The following TPRG1 variants were observed in gnomAD, a reference collection of about 807,000 sequenced individuals.
TPRG1 encodes the protein tumor protein p63-regulated gene 1 protein.
TPRG1 carries 29 observed loss-of-function variants against 29.3 expected under a neutral mutation model. That is an observed-to-expected ratio of 0.99 (90% CI 0.74 to 1.35). The LOEUF (loss-of-function observed/expected upper bound fraction) is 1.35, where lower values mean the gene tolerates loss of function less well. TPRG1 is among the 40% of genes most tolerant of loss of function. The pLI is 0.00. For missense variants in TPRG1, 327 were observed against 335.0 expected (o/e 0.98, Z 0.19); for synonymous variants, 130 against 116.8 (o/e 1.11, Z -0.73).
At chr3:189,202,991 C>T (rs553569400) in intron 1 of TPRG1, among the ~76,000 whole-genome samples, 19 of 152,254 alleles carry the variant, frequency 1.2e-4, no homozygotes, top group Middle Eastern at 3.4e-3. Context: ...AACTAGAGGT[C>T]GGGTTGCATG....
chr3:189,271,362 A>G (rs1357332840), intron 4 of TPRG1, among the ~76,000 whole-genome samples: 1 of 152,210 alleles, frequency 6.6e-6, no homozygotes, highest in Non-Finnish European at 1.5e-5. Flanking sequence ...GCCTGTGTTT[A>G]TGATGATGCC....
chr3:189,300,366 G>T (rs1172582084), intron 4 of TPRG1, among the ~76,000 whole-genome samples: 1 of 152,110 alleles, frequency 6.6e-6, no homozygotes, highest in Non-Finnish European at 1.5e-5. Context: ...TTTAGGCCTC[G>T]CTCTTAAGAC....
At chr3:189,114,459 G>A (rs576014736) in intron 1 of TPRG1, among the ~76,000 whole-genome samples, 1 of 152,052 alleles carries the variant, frequency 6.6e-6, no homozygotes, top group East Asian at 1.9e-4. Flanking sequence ...ATTTTTGTAT[G>A]TTTAGTAGAG....
At position 189,202,253 on chromosome 3, in the gene TPRG1, T is replaced by C. The variant is rs150877441; in HGVS notation, c.-9-5123T>C. Among the ~76,000 whole-genome samples, 36 of 152,178 alleles carry C rather than the reference T, an allele frequency of 2.4e-4. No individual in the cohort carries two copies. The East Asian group carries it at 5.6e-3, about 24-fold the overall frequency. On this transcript the variant is annotated intron_variant, in intron 1 of 5. Coordinates refer to ENST00000345063, the MANE Select transcript of TPRG1 (RefSeq NM_198485.4). ...TTTCTGTAGGACAGAAATCTTTCAG[T>C]ATGTGGTGGAGCAGAATCCTCGATG... is the stretch of plus-strand genomic sequence containing the variant.
intron 4 of TPRG1, among the ~76,000 whole-genome samples, chr3:189,271,181 G>A (rs1454278808): frequency 2.0e-5 from 3 of 152,198 alleles, no homozygotes; most frequent in African/African-American, 7.2e-5. Context: ...GAGGTAGGGC[G>A]TTTTCTACTG....
At chr3:188,999,257 T>C (rs977326971) in intron 1 of TPRG1, among the ~76,000 whole-genome samples, 17 of 152,130 alleles carry the variant, frequency 1.1e-4, no homozygotes, top group African/African-American at 4.1e-4. Context: ...CAGGACTCCC[T>C]GTTGGATTAA....
Position 189,152,644 on chromosome 3 carries a change from G to A in TPRG1, c.-10+1772G>A, listed in dbSNP as rs931426976. ...CTATTAAAAAGTAGGATTCCTACCC[G>A]CCATTATTATTAAAAAGTAGGATTG... On this transcript the variant is annotated intron_variant, in intron 5 of 6. Coordinates refer to the TPRG1 transcript ENST00000412373. 1.0e-4 allele frequency among the ~76,000 whole-genome samples: 15 copies of A among 149,590 alleles called. 1 individual carries two copies. The highest frequency in any genetic ancestry group is 5.9e-4 in the East Asian group (3 of 5,072).
At chr3:189,100,589 A>C (rs976708713) in intron 1 of TPRG1, among the ~76,000 whole-genome samples, 1 of 152,200 alleles carries the variant, frequency 6.6e-6, no homozygotes, top group Non-Finnish European at 1.5e-5. Flanking sequence ...TTACTTTTGC[A>C]AATAGTAACT....
At chr3:189,274,085 A>G (rs1715686197) in intron 4 of TPRG1, among the ~76,000 whole-genome samples, 1 of 150,834 alleles carries the variant, frequency 6.6e-6, no homozygotes, top group Non-Finnish European at 1.5e-5. Context: ...CAAATTCTTT[A>G]TCTTTTAACT....
chr3:189,221,094 A>G (rs1736874505), intron 3 of TPRG1, among the ~76,000 whole-genome samples: 1 of 152,246 alleles, frequency 6.6e-6, no homozygotes, highest in South Asian at 2.1e-4. Context: ...AGTAAGAAAT[A>G]TGTATCAGTG....
At chr3:189,196,869 A>G (rs1221690685) in intron 1 of TPRG1, among the ~76,000 whole-genome samples, 5 of 152,212 alleles carry the variant, frequency 3.3e-5, no homozygotes, top group Non-Finnish European at 7.3e-5. Context: ...GGAAAATCCT[A>G]TTTTCAAAAC....
At chr3:189,251,881 C>A (rs1742323463) in intron 4 of TPRG1, among the ~76,000 whole-genome samples, 1 of 152,154 alleles carries the variant, frequency 6.6e-6, no homozygotes, top group South Asian at 2.1e-4. Context: ...AAGAGGCATG[C>A]CTTCCTCTTA....
chr3:189,194,201 T>A (rs1343197320), intron 1 of TPRG1, among the ~76,000 whole-genome samples: 1 of 152,078 alleles, frequency 6.6e-6, no homozygotes, highest in Admixed American at 6.6e-5. Flanking sequence ...GTAGTAAGTG[T>A]GGGCACCTCA....
intron 1 of TPRG1, among the ~76,000 whole-genome samples, chr3:189,185,062 G>C (rs961340705): frequency 2.6e-5 from 4 of 152,138 alleles, no homozygotes; most frequent in Admixed American, 1.3e-4. Context: ...TTATTTGGTG[G>C]ACTTTAAAAA....
chr3:189,032,461 T>TA (rs1241220760), intron 4 of TPRG1, among the ~76,000 whole-genome samples: 5 of 152,066 alleles, frequency 3.3e-5, no homozygotes, highest in African/African-American at 4.8e-5. Flanking sequence ...ATAGAAAAAA[T>TA]AAAAAATAGA....
intron 4 of TPRG1, among the ~76,000 whole-genome samples, chr3:189,290,479 A>G (rs1013463281): frequency 2.6e-5 from 4 of 152,268 alleles, no homozygotes; most frequent in Non-Finnish European, 5.9e-5. Context: ...CGTTGAGCAC[A>G]TTAACATAGA....
intron 4 of TPRG1, among the ~76,000 whole-genome samples, chr3:189,039,995 T>C (rs1007353412): frequency 1.3e-5 from 2 of 152,134 alleles, no homozygotes; most frequent in Admixed American, 6.5e-5. Flanking sequence ...AACCAGACCA[T>C]TGATCCATTA....
At chr3:189,312,328 A>G (rs1362452887) in intron 5 of TPRG1, among the ~76,000 whole-genome samples, 1 of 151,644 alleles carries the variant, frequency 6.6e-6, no homozygotes, top group East Asian at 1.9e-4. Flanking sequence ...CAGCCTCCGG[A>G]GTAGCTGGGA....
chr3:189,156,664 T>C (rs550023583), intron 5 of TPRG1, among the ~76,000 whole-genome samples: 2 of 152,348 alleles, frequency 1.3e-5, no homozygotes, highest in Admixed American at 1.3e-4. Flanking sequence ...CCAGCTTAGC[T>C]GGTCAGATGA....
Sources: gnomAD v4.1 joint callset for allele counts (sites outside exome capture counted in the v4.1 genomes callset) on GRCh38, gnomAD v4.1.1 for gene constraint, MANE v1.5 for transcripts, NCBI Gene and HGNC (gene_info 2026-07-23, HGNC 2026-07-21) for gene names.